Variants in CYP11B1 observed in about 807,000 individuals in gnomAD.
The protein encoded by CYP11B1 is cytochrome P450 11B1, mitochondrial.
CYP11B1 carries 34 observed loss-of-function variants against 48.3 expected under a neutral mutation model. The observed-to-expected ratio is 0.70, with a 90% confidence interval of 0.54 to 0.94. CYP11B1 has a LOEUF of 0.94. CYP11B1 is among the 40% of genes least tolerant of loss of function. The pLI is 0.00. For missense variants in CYP11B1, 688 were observed against 657.4 expected (o/e 1.05, Z -0.51); for synonymous variants, 291 against 262.5 (o/e 1.11, Z -1.05).
chr8:142,876,426 C>A, intron 4 of CYP11B1, 31 bp from the exon 5 acceptor site: 1 of 1,605,156 alleles, frequency 6.2e-7, no homozygotes, highest in Non-Finnish European at 8.5e-7. Context: ...AGCCCTCAGA[C>A]TTTGGTGCTG....
chr8:142,875,147 A>G lies in CYP11B1; in HGVS notation c.1208T>C (p.Val403Ala). The G allele has an allele frequency of 6.2e-7, 1 of 1,614,236 alleles. No individual in the cohort carries two copies. The highest frequency in any genetic ancestry group is 1.1e-5 in the South Asian group (1 of 91,086). Residue 403 changes from valine (V) to alanine (A), a missense_variant, in exon 8 of 9, where the codon GTG becomes GCG. Transcript: ENST00000292427. ...QNYHIPAGTL[V>A]RVFLYSLGRN... ...ACCCAGAGAGTAGAGGAACACGCGC[A>G]CCAATGTCTGCGGACGGTGCAGAGC...
intron 8 of CYP11B1, 126 bp downstream of exon 8, chr8:142,874,831 G>T (rs4310186): frequency 1.6e-6 from 2 of 1,225,560 alleles, no homozygotes; most frequent in Admixed American, 2.0e-5. Flanking sequence ...TCCCAGTACC[G>T]GCTCTGCCCA....
rs748036339 is a variant in CYP11B1, at chr8:142,879,076, C to T, written c.351G>A (p.Val117=). The T allele has an allele frequency of 6.8e-6, 11 of 1,614,176 alleles. No homozygotes were observed. In the Admixed American group the frequency reaches 1.8e-4, roughly 27 times the overall value. Residue 117 remains valine, a synonymous_variant, in exon 2 of 9, where the codon GTG becomes GTA. Transcript: ENST00000292427. Reference sequence around the variant, plus strand: ...TGTGCCCACGATGTTGTCTGTAGGCCACCCAGGGCTCCAGGCTCATCCTGT... The same window carrying T: ...TGTGCCCACGATGTTGTCTGTAGGCTACCCAGGGCTCCAGGCTCATCCTGT... ...HPHRMSLEPW[V]AYRQHRGHKC...
At position 142,872,644 on chromosome 8, in the gene CYP11B1, G is replaced by A. The variant is rs1156401534; in HGVS notation, c.*1729C>T. On this transcript the variant is annotated 3_prime_UTR_variant, in exon 9 of 9. Coordinates refer to ENST00000292427, the MANE Select transcript of CYP11B1 (RefSeq NM_000497.4). The stretch of plus-strand genomic sequence containing the variant: ...AATTTTAAAGTTGATGCTAAAATGA[G>A]TTGATATTTGGGGCTACTGGGGAGA... 1 of 152,212 alleles carries A rather than the reference G, an allele frequency of 6.6e-6. No individual in the cohort carries two copies. The highest frequency in any genetic ancestry group is 1.9e-4 in the East Asian group (1 of 5,202). The allele number at this position is 152,212 out of a possible 1,614,324, so 9.4% of individuals were successfully genotyped here.
At chr8:142,877,453 C>A (rs1339728219) in intron 2 of CYP11B1, among the ~76,000 whole-genome samples, 1 of 152,240 alleles carries the variant, frequency 6.6e-6, no homozygotes, top group African/African-American at 2.4e-5. Flanking sequence ...CTTCTGCCCA[C>A]AGGTGCTGAC....
chr8:142,874,515 C>T (rs1183824537), intron 8 of CYP11B1, 29 bp from the exon 9 acceptor site: 1 of 1,516,266 alleles, frequency 6.6e-7, no homozygotes, highest in Middle Eastern at 1.7e-4. Flanking sequence ...TTCCATCTGG[C>T]TTGGTCCGCA....
chr8:142,879,173 C>T lies in CYP11B1; in HGVS notation c.254G>A (p.Gly85Glu). 1.9e-6 allele frequency: 3 copies of T among 1,613,904 alleles called. No individual in the cohort carries two copies. Among genetic ancestry groups the T allele is most frequent in the East Asian group, 2.2e-5 (1 of 44,852 alleles). The stretch of plus-strand genomic sequence containing the variant: ...CAGCATCACACACACCATGCCTGCT[C>T]CTCCCAAGTCGTACCTGTGGGGCCA... ...LGPIFRYDLG[G>E]AGMVCVMLPE... The change falls in exon 2 of 9, where the codon GGA becomes GAA. Residue 85 changes from glycine to glutamate, a missense_variant. Physicochemically the swap from Gly to Glu is moderately conservative, Grantham distance 98 (BLOSUM62 -2). Transcript: ENST00000292427.
Position 142,875,106 on chromosome 8 carries a change from A to C in CYP11B1, c.1249T>G (p.Phe417Val), listed in dbSNP as rs768525580. ...GGGTTATAGCGCTCAGGCCTCGGGA[A>C]CAAGGCGGGGTTGCGACCCAGAGAG... is the stretch of plus-strand genomic sequence containing the variant. ...LYSLGRNPALFPRPERYNPQR... is the reference protein window; with the variant it reads ...LYSLGRNPALVPRPERYNPQR... Residue 417 changes from phenylalanine to valine, a missense_variant, in exon 8 of 9, where the codon TTC becomes GTC. Transcript: ENST00000292427. 1 of 1,614,242 alleles carries C rather than the reference A, an allele frequency of 6.2e-7. No individual in the cohort carries two copies. The highest frequency in any genetic ancestry group is 8.5e-7 in the Non-Finnish European group (1 of 1,180,026).
Position 142,876,276 on chromosome 8 carries a change from T to G in CYP11B1, c.919A>C (p.Asn307His). 6.2e-7 allele frequency: 1 copy of G among 1,614,220 alleles called. No individual in the cohort carries two copies. The highest frequency in any genetic ancestry group is 8.5e-7 in the Non-Finnish European group (1 of 1,180,034). ...CTCCCTGCAGTGAGTTCCATAGAGT[T>G]GGCCTTGATGGCATCTGGCGACAGT... ...AELSPDAIKA[N>H]SMELTAGSVD... Residue 307 changes from asparagine (N) to histidine (H), a missense_variant, in exon 5 of 9, where the codon AAC (asparagine) becomes CAC (histidine). Transcript: ENST00000292427.
rs1241060366 is a variant in CYP11B1, at chr8:142,877,133, TCCA to T, written c.482_484del (p.Val161del). On this transcript the variant is annotated inframe_deletion, in exon 3 of 9. Coordinates refer to ENST00000292427, the MANE Select transcript of CYP11B1 (RefSeq NM_000497.4). ...CTGGGAGAAGTCCCTGGCCACTGCA[TCCA>T]CCATCGGGAGGAACCTCTGCACAGC... is the stretch of plus-strand genomic sequence containing the variant. The T allele has an allele frequency of 6.2e-7, 1 of 1,614,148 alleles. No individual in the cohort carries two copies. Among genetic ancestry groups the T allele is most frequent in the Non-Finnish European group, 8.5e-7 (1 of 1,180,020 alleles).
In CYP11B1 at chr8:142,879,694, G is replaced by A. The variant is rs1817085736; in HGVS notation, c.120C>T (p.Ala40=). ...ACCTGTTGCCTGGACGCCGGGGCAT[G>A]GCTTCAAAGGGCAGCACTGTCCTGG... ...RVPRTVLPFE[A]MPRRPGNRWL... Residue 40 remains alanine (A), a synonymous_variant, in exon 1 of 9, where the codon GCC becomes GCT. Transcript: ENST00000292427. 1 of 1,614,250 alleles carries A rather than the reference G, an allele frequency of 6.2e-7. No individual in the cohort carries two copies. Among genetic ancestry groups the A allele is most frequent in the Non-Finnish European group, 8.5e-7 (1 of 1,180,048 alleles).
intron 2 of CYP11B1, chr8:142,877,964 G>A: frequency 1.4e-6 from 1 of 701,476 alleles, no homozygotes; most frequent in Non-Finnish European, 2.4e-6. Context: ...AGAGACACAT[G>A]TACACATGTG....
At position 142,875,078 on chromosome 8, in the gene CYP11B1, T is replaced by C; in HGVS notation, c.1277A>G (p.Gln426Arg). Residue 426 changes from glutamine (Q) to arginine (R), a missense_variant, in exon 8 of 9, where the codon CAG becomes CGG. By Grantham distance (43) the Gln-to-Arg change is conservative. Coordinates refer to ENST00000292427, the MANE Select transcript of CYP11B1 (RefSeq NM_000497.4). ...GGAGCCCCTGATGTCTAGCCAGCGC[T>C]GGGGGTTATAGCGCTCAGGCCTCGG... ...LFPRPERYNP[Q>R]RWLDIRGSGR... 2.5e-6 allele frequency: 4 copies of C among 1,614,212 alleles called. No individual in the cohort carries two copies. The highest frequency in any genetic ancestry group is 1.1e-5 in the South Asian group (1 of 91,074).
At position 142,879,086 on chromosome 8, in the gene CYP11B1, T is replaced by C; in HGVS notation, c.341A>G (p.Glu114Gly). ...ATGTTGTCTGTAGGCCACCCAGGGCTCCAGGCTCATCCTGTGGGGATGCAG... is the reference window on the plus strand; with the variant it reads ...ATGTTGTCTGTAGGCCACCCAGGGCCCCAGGCTCATCCTGTGGGGATGCAG... Reference protein sequence around the residue: ...DSLHPHRMSLEPWVAYRQHRG... With the variant: ...DSLHPHRMSLGPWVAYRQHRG... Residue 114 changes from glutamate (E) to glycine (G), a missense_variant, in exon 2 of 9, where the codon GAG (glutamate) becomes GGG (glycine). By Grantham distance (98) the Glu-to-Gly change is moderately conservative. Transcript: ENST00000292427. 1.2e-6 allele frequency: 2 copies of C among 1,613,992 alleles called. No individual in the cohort carries two copies. Among genetic ancestry groups the C allele is most frequent in the Non-Finnish European group, 1.7e-6 (2 of 1,179,868 alleles).
rs1816863545 is a variant in CYP11B1, at chr8:142,874,177, A to G, written c.*196T>C. The G allele has an allele frequency of 1.6e-6, 1 of 626,258 alleles. No homozygotes were observed. The highest frequency in any genetic ancestry group is 2.9e-6 in the Non-Finnish European group (1 of 344,884). 38.8% of individuals were successfully genotyped at this position (626,258 alleles called of 1,614,324 possible). On this transcript the variant is annotated 3_prime_UTR_variant, in exon 9 of 9. Coordinates refer to ENST00000292427, the MANE Select transcript of CYP11B1 (RefSeq NM_000497.4). ...GGACAAGGTCAGCAAGATCTTCCCC[A>G]GCTGTGCCCTGGCATTGCTGCTTAG...
At chr8:142,874,877 AG>A in intron 8 of CYP11B1, 79 bp downstream of exon 8, 1 of 1,547,484 alleles carries the variant, frequency 6.5e-7, no homozygotes, top group South Asian at 1.1e-5. Flanking sequence ...CACTCTGCCG[AG>A]GCCAGTCCCA....
chr8:142,876,670 C>G lies in CYP11B1; in HGVS notation c.799+12G>C. On this transcript the variant is annotated intron_variant, in intron 4 of 8. Transcript: ENST00000292427. Reference sequence around the variant, plus strand: ...CCCTTCCCCATAGCACTGCCCGGGTCCCTGGCCTCACCGTACTGGAAGATG... The same window carrying G: ...CCCTTCCCCATAGCACTGCCCGGGTGCCTGGCCTCACCGTACTGGAAGATG... 1 of 1,603,050 alleles carries G rather than the reference C, an allele frequency of 6.2e-7. No individual in the cohort carries two copies. The highest frequency in any genetic ancestry group is 8.5e-7 in the Non-Finnish European group (1 of 1,175,154).
chr8:142,875,975 A>G (rs2130271933), intron 5 of CYP11B1, 97 bp from the exon 6 acceptor site: 1 of 1,472,412 alleles, frequency 6.8e-7, no homozygotes, highest in Non-Finnish European at 9.5e-7. Flanking sequence ...GGGTGCAGAC[A>G]TGCATACCCT....
chr8:142,874,573 T>A, intron 8 of CYP11B1, 87 bp from the exon 9 acceptor site: 1 of 948,206 alleles, frequency 1.1e-6, no homozygotes, highest in Admixed American at 1.7e-5. Flanking sequence ...GTTGCAGAGA[T>A]TATGCTGAAG....
Sources: gnomAD v4.1 joint callset for allele counts (sites outside exome capture counted in the v4.1 genomes callset) on GRCh38, gnomAD v4.1.1 for gene constraint, MANE v1.5 for transcripts, NCBI Gene and HGNC (gene_info 2026-07-23, HGNC 2026-07-21) for gene names.